Variants in ABCA9 observed in about 807,000 individuals in gnomAD.
ABCA9 encodes ATP binding cassette subfamily A member 9, also known as ATP-binding cassette sub-family A member 9.
ABCA9 carries 183 observed loss-of-function variants against 205.3 expected under a neutral mutation model. The ratio of observed to expected loss-of-function variants is 0.89; its 90% CI spans 0.79 to 1.01. The LOEUF is 1.01. ABCA9 is among the 50% of genes least tolerant of loss of function. ABCA9 has a pLI of 0.00. For missense variants in ABCA9, 1,805 were observed against 1,912.4 expected (o/e 0.94, Z 1.05); for synonymous variants, 651 against 683.3 (o/e 0.95, Z 0.74).
Position 68,983,837 on chromosome 17 carries a change from G to T in ABCA9, c.4512C>A (p.Ser1504=), listed in dbSNP as rs958865334. The T allele has an allele frequency of 6.2e-7, 1 of 1,614,144 alleles. No individual in the cohort carries two copies. The part of the protein sequence containing the change: ...MVSGRLRCIG[S]IQHLKSKFGK... ...CAAATTTGCTTTTCAGGTGTTGGAT[G>T]GAACCAATACATCTGAAGGTAACAG... The change falls in exon 36 of 39, where the codon TCC becomes TCA. Residue 1504 remains serine (S), a synonymous_variant. Coordinates refer to ENST00000340001, the MANE Select transcript of ABCA9 (RefSeq NM_080283.4).
the ABCA9 span, among the ~76,000 whole-genome samples, chr17:69,074,460 C>T: frequency 6.6e-6 from 1 of 152,136 alleles, no homozygotes; most frequent in African/African-American, 2.4e-5. Flanking sequence ...TCCATGAATA[C>T]TTAATATTTA....
In ABCA9 at chr17:68,996,001, G is replaced by T. The variant is rs923998647; in HGVS notation, c.3449C>A (p.Ser1150Ter). The stretch of plus-strand genomic sequence containing the variant: ...TTCATTTAGATCAGTAGCAACTATC[G>T]AGAAGATGACCACCTAAAACAAATG... ...SFFFLIVVIF[S>*]IVATDLNEYG... The change falls in exon 26 of 39, where the codon TCG becomes TAG. Residue 1150 changes from serine (S) to a stop codon, truncating the protein, a stop_gained. Transcript: ENST00000340001. LOFTEE classifies it high-confidence loss of function. 2.5e-6 allele frequency: 4 copies of T among 1,613,330 alleles called. No individual in the cohort carries two copies. The highest frequency in any genetic ancestry group is 1.1e-5 in the South Asian group (1 of 91,064).
chr17:69,041,774 T>G (rs2071553125), intron 6 of ABCA9, among the ~76,000 whole-genome samples: 1 of 149,804 alleles, frequency 6.7e-6, no homozygotes, highest in South Asian at 2.1e-4. Context: ...GACCAAATTT[T>G]TTTAGTACTG....
At chr17:69,035,171 A>G in intron 8 of ABCA9, 75 bp downstream of exon 8, 1 of 1,224,624 alleles carries the variant, frequency 8.2e-7, no homozygotes. Context: ...TGCTTAGAGC[A>G]TGTTGTGTGA....
chr17:68,987,285 T>C (rs1187015163), intron 31 of ABCA9, among the ~76,000 whole-genome samples: 1 of 152,334 alleles, frequency 6.6e-6, no homozygotes, highest in Non-Finnish European at 1.5e-5. Context: ...GATGCTATAT[T>C]GTCTCCCCCC....
chr17:69,027,335 G>A lies in ABCA9; in HGVS notation c.1906C>T (p.Pro636Ser), dbSNP rs2144337499. 2 of 1,612,648 alleles carry A rather than the reference G, an allele frequency of 1.2e-6. No homozygotes were observed. Among genetic ancestry groups the A allele is most frequent in the East Asian group, 4.5e-5 (2 of 44,768 alleles). The stretch of plus-strand genomic sequence containing the variant: ...GTAATTTTTGTTTGACTTACTTGAG[G>A]ATCTCCTAAAATGGCAATCCCAAAA... The part of the protein sequence containing the change: ...LTFGIAILGD[P>S]QVLLLDEPTA... Residue 636 changes from proline to serine, a missense_variant, in exon 14 of 39, where the codon CCT (proline) becomes TCT (serine). Pro to Ser is a moderately conservative substitution (Grantham distance 74, BLOSUM62 -1). Transcript: ENST00000340001.
chr17:68,981,783 G>A (rs992468441), intron 37 of ABCA9, among the ~76,000 whole-genome samples: 6 of 132,176 alleles, frequency 4.5e-5, no homozygotes, highest in Non-Finnish European at 7.7e-5. Flanking sequence ...CCGAGATTGT[G>A]CCACTGCACC....
intron 25 of ABCA9, among the ~76,000 whole-genome samples, chr17:69,007,391 ACT>A (rs1428178089): frequency 6.6e-6 from 1 of 152,098 alleles, no homozygotes; most frequent in African/African-American, 2.4e-5. Flanking sequence ...ACAGAGCGAG[ACT>A]CTGTCTCAGA....
At position 68,983,740 on chromosome 17, in the gene ABCA9, T is replaced by C. The variant is rs1448798815; in HGVS notation, c.4609A>G (p.Arg1537Gly). ...QMEPLHAEILRLFPQAAQQER... is the reference protein window; with the variant it reads ...QMEPLHAEILGLFPQAAQQER... ...TGCTGAGCAGCCTGGGGGAAAAGCC[T>C]CAGGATCTCTGCATGGAGGGGCTCC... The change falls in exon 36 of 39, where the codon AGG becomes GGG. Residue 1537 changes from arginine to glycine, a missense_variant. Physicochemically the swap from Arg to Gly is moderately radical, Grantham distance 125 (BLOSUM62 -2). Transcript: ENST00000340001. 6.2e-7 allele frequency: 1 copy of C among 1,614,176 alleles called. No homozygotes were observed. Among genetic ancestry groups the C allele is most frequent in the East Asian group, 2.2e-5 (1 of 44,874 alleles).
chr17:68,983,557 G>T, intron 36 of ABCA9, 152 bp downstream of exon 36: 1 of 1,095,534 alleles, frequency 9.1e-7, no homozygotes, highest in Non-Finnish European at 1.3e-6. Flanking sequence ...TCCCTCTTGT[G>T]TGAGCCCTTG....
At chr17:69,042,475 T>C (rs2144445454) in intron 6 of ABCA9, 1 of 152,322 alleles carries the variant, frequency 6.6e-6, no homozygotes, top group African/African-American at 2.4e-5. Flanking sequence ...AATATCTCAA[T>C]GTTTAAAGAA....
chr17:68,985,950 A>G (rs1238193389), intron 32 of ABCA9, among the ~76,000 whole-genome samples: 1 of 150,734 alleles, frequency 6.6e-6, no homozygotes, highest in Non-Finnish European at 1.5e-5. Context: ...AAAAGAAAAA[A>G]AAAGGAAAAA....
At chr17:69,046,899 A>AAAAT (rs1279056097) in intron 3 of ABCA9, among the ~76,000 whole-genome samples, 1 of 112,280 alleles carries the variant, frequency 8.9e-6, no homozygotes, top group Non-Finnish European at 1.8e-5. Context: ...ATATATATAT[A>AAAAT]TATATATATA....
intron 34 of ABCA9, 90 bp downstream of exon 34, chr17:68,984,795 C>A: frequency 6.5e-7 from 1 of 1,548,464 alleles, no homozygotes; most frequent in South Asian, 1.2e-5. Context: ...GATACTGTGT[C>A]TTTTCCTTTC....
In ABCA9 at chr17:68,995,886, A is replaced by T. The variant is rs117807867; in HGVS notation, c.3555+9T>A. On this transcript the variant is annotated intron_variant, in intron 26 of 38. Transcript: ENST00000340001. The stretch of plus-strand genomic sequence containing the variant: ...TTCATGACCCTCAGACAGAAGTGGA[A>T]CTACTTACCTCAGAAAAAATGAATA... The T allele has an allele frequency of 0.02, 32,548 of 1,613,224 alleles. 453 individuals are homozygous for T. The highest frequency in any genetic ancestry group is 0.024 in the Middle Eastern group (147 of 6,052).
intron 6 of ABCA9, chr17:69,042,329 G>A (rs1047409798): frequency 2.2e-4 from 33 of 152,070 alleles, no homozygotes; most frequent in Admixed American, 2.0e-3. Context: ...TATTATCTAC[G>A]TTTTACAGAA....
At chr17:68,983,585 A>G (rs2069131726) in intron 36 of ABCA9, 124 bp downstream of exon 36, 2 of 1,339,218 alleles carry the variant, frequency 1.5e-6, no homozygotes, top group African/African-American at 2.9e-5. Context: ...ATTTCTCTTA[A>G]GTAAAGTACT....
chr17:69,012,384 A>G (rs1404840451), intron 22 of ABCA9: 2 of 243,486 alleles, frequency 8.2e-6, no homozygotes, highest in Non-Finnish European at 1.6e-5. Flanking sequence ...CTCTGACTTT[A>G]TGGTTACAAT....
At chr17:68,994,393 C>T (rs139310188) in intron 26 of ABCA9, among the ~76,000 whole-genome samples, 2 of 152,236 alleles carry the variant, frequency 1.3e-5, no homozygotes, top group Admixed American at 6.5e-5. Flanking sequence ...AATTTGCCTG[C>T]CAAGTGTCCA....
Sources: allele counts gnomAD v4.1 joint callset (sites outside exome capture counted in the v4.1 genomes callset), GRCh38; gene constraint gnomAD v4.1.1; transcripts MANE v1.5; gene names NCBI Gene and HGNC (gene_info 2026-07-23, HGNC 2026-07-21).